The following KCNK13 variants were observed in gnomAD, a reference collection of about 807,000 sequenced individuals.
KCNK13 encodes potassium two pore domain channel subfamily K member 13, also known as potassium channel subfamily K member 13.
A neutral mutation model predicts 23.4 loss-of-function variants in KCNK13; 12 were observed. The ratio of observed to expected loss-of-function variants is 0.51; its 90% confidence interval spans 0.33 to 0.83. The LOEUF (loss-of-function observed/expected upper bound fraction) is 0.83. KCNK13 is among the 40% of genes least tolerant of loss of function. The probability of loss-of-function intolerance (pLI) is 0.02; values close to 1 mark genes in which losing one functional copy is unlikely to be tolerated. For missense variants in KCNK13, 463 were observed against 556.3 expected, an observed-to-expected ratio of 0.83 and a Z score of 1.69; for synonymous variants, 231 against 229.5, an observed-to-expected ratio of 1.01 and a Z score of -0.06.
intron 1 of KCNK13, among the ~76,000 whole-genome samples, chr14:90,098,838 G>A (rs4396467): frequency 0.25 from 37,350 of 152,020 alleles, 5,083 homozygotes; most frequent in East Asian, 0.33. Context: ...CGGCACTTTG[G>A]GGGGGCCGAG....
chr14:90,127,999 T>C (rs936009872), intron 1 of KCNK13, among the ~76,000 whole-genome samples: 1 of 152,100 alleles, frequency 6.6e-6, no homozygotes, highest in Non-Finnish European at 1.5e-5. Context: ...ACCCCAGACC[T>C]ATGGGAATCC....
chr14:90,171,731 C>T (rs866874897), intron 1 of KCNK13, among the ~76,000 whole-genome samples: 2 of 152,140 alleles, frequency 1.3e-5, no homozygotes, highest in Non-Finnish European at 2.9e-5. Context: ...TTTGAGTTTC[C>T]GATTAGCCTT....
At chr14:90,170,267 G>A (rs929406384) in intron 1 of KCNK13, among the ~76,000 whole-genome samples, 6 of 152,056 alleles carry the variant, frequency 3.9e-5, no homozygotes, top group Non-Finnish European at 8.8e-5. Context: ...AGGCCAGAGT[G>A]CGGTGGTGCA....
chr14:90,110,033 A>G (rs1351581094), intron 1 of KCNK13, among the ~76,000 whole-genome samples: 3 of 152,102 alleles, frequency 2.0e-5, no homozygotes, highest in African/African-American at 7.2e-5. Flanking sequence ...TGTGCTGGAC[A>G]TGTAACAGCC....
intron 1 of KCNK13, among the ~76,000 whole-genome samples, chr14:90,147,974 C>G (rs1890092672): frequency 6.6e-6 from 1 of 152,146 alleles, no homozygotes; most frequent in African/African-American, 2.4e-5. Context: ...AGGTCAAGAC[C>G]AGCCTGGTGA....
intron 1 of KCNK13, among the ~76,000 whole-genome samples, chr14:90,130,179 C>CATTTGTTT (rs1555403402): frequency 2.1e-5 from 3 of 142,056 alleles, no homozygotes; most frequent in Admixed American, 7.1e-5. Flanking sequence ...TGGAGAAGGA[C>CATTTGTTT]ATTTATTTAT....
rs541688267 is a variant in KCNK13, at chr14:90,137,446, G to A, written c.335-46665G>A. Among the ~76,000 whole-genome samples the A allele has an allele frequency of 4.9e-4, 74 of 151,906 alleles. 1 individual carries two copies. Among genetic ancestry groups the A allele is most frequent in the African/African-American group, 1.4e-3 (60 of 41,444 alleles). On this transcript the variant is annotated intron_variant, in intron 1 of 1. Transcript: ENST00000282146. The stretch of plus-strand genomic sequence containing the variant: ...AGCGATTCTCCCACTTCAGCCTCCC[G>A]AGTAGCTGGGATTACAGGCGCCCGC...
intron 1 of KCNK13, among the ~76,000 whole-genome samples, chr14:90,158,343 G>A (rs146641543): frequency 2.8e-4 from 43 of 152,314 alleles, no homozygotes; most frequent in African/African-American, 9.9e-4. Flanking sequence ...CAGGGAAAGA[G>A]GTGGAAGAAC....
chr14:90,161,670 G>A (rs529375213), intron 1 of KCNK13, among the ~76,000 whole-genome samples: 6 of 152,132 alleles, frequency 3.9e-5, no homozygotes, highest in Non-Finnish European at 8.8e-5. Context: ...GGAAAAACTC[G>A]GTTTGGTAAG....
chr14:90,065,724 G>A (rs1487421194), intron 1 of KCNK13, among the ~76,000 whole-genome samples: 1 of 152,154 alleles, frequency 6.6e-6, no homozygotes, highest in African/African-American at 2.4e-5. Context: ...GGTACTTCTG[G>A]CCTTATTTTC....
chr14:90,064,673 G>A (rs953871730), intron 1 of KCNK13, among the ~76,000 whole-genome samples: 1 of 152,190 alleles, frequency 6.6e-6, no homozygotes, highest in African/African-American at 2.4e-5. Context: ...CTCCGTCTGC[G>A]TAAGCCTGCC....
chr14:90,075,326 A>T (rs563051899), intron 1 of KCNK13, among the ~76,000 whole-genome samples: 1 of 152,260 alleles, frequency 6.6e-6, no homozygotes, highest in South Asian at 2.1e-4. Context: ...GGTTCAACCC[A>T]TTTCCTCCAG....
chr14:90,076,315 C>G (rs1162212722), intron 1 of KCNK13, among the ~76,000 whole-genome samples: 1 of 152,202 alleles, frequency 6.6e-6, no homozygotes, highest in Non-Finnish European at 1.5e-5. Flanking sequence ...CACAAGACCA[C>G]CAGAGTCCCA....
chr14:90,078,485 GAAGA>G (rs1202087933), intron 1 of KCNK13, among the ~76,000 whole-genome samples: 2 of 150,532 alleles, frequency 1.3e-5, no homozygotes, highest in South Asian at 2.1e-4. Context: ...AGGAAGGAAG[GAAGA>G]AAGGAGAAAG....
chr14:90,144,588 C>G (rs1051629676), intron 1 of KCNK13, among the ~76,000 whole-genome samples: 6 of 148,598 alleles, frequency 4.0e-5, no homozygotes, highest in Non-Finnish European at 1.5e-5. Context: ...CCTCTGCCTC[C>G]CAGGTTCAAG....
chr14:90,159,205 T>G (rs74080629), intron 1 of KCNK13, among the ~76,000 whole-genome samples: 22,364 of 152,034 alleles, frequency 0.15, 1,881 homozygotes, highest in South Asian at 0.29. Context: ...CCACTGAGAG[T>G]GGAGTGCTGA....
intron 1 of KCNK13, among the ~76,000 whole-genome samples, chr14:90,159,808 C>G (rs965888547): frequency 1.3e-5 from 2 of 151,952 alleles, no homozygotes; most frequent in Non-Finnish European, 2.9e-5. Flanking sequence ...GAATAATGAC[C>G]CCACATTGCT....
At chr14:90,160,410 G>A (rs1403987861) in intron 1 of KCNK13, among the ~76,000 whole-genome samples, 1 of 152,174 alleles carries the variant, frequency 6.6e-6, no homozygotes, top group East Asian at 1.9e-4. Flanking sequence ...TGAGCTCATG[G>A]CTAAGAGTTC....
At chr14:90,181,123 G>A (rs1048215017) in intron 1 of KCNK13, among the ~76,000 whole-genome samples, 4 of 152,174 alleles carry the variant, frequency 2.6e-5, no homozygotes, top group African/African-American at 9.7e-5. Context: ...CCAAACTGCT[G>A]GGATTACAGG....
Sources: allele counts gnomAD v4.1 joint callset (sites outside exome capture counted in the v4.1 genomes callset), GRCh38; gene constraint gnomAD v4.1.1; transcripts MANE v1.5; gene names NCBI Gene and HGNC (gene_info 2026-07-23, HGNC 2026-07-21).